Variants in RFTN1 observed in about 807,000 individuals in gnomAD.
The protein encoded by RFTN1 is raftlin, lipid raft linker 1.
Under a neutral mutation model 46.5 loss-of-function variants are expected in RFTN1, and 26 were observed. The observed-to-expected ratio is 0.56, with a 90% CI of 0.41 to 0.78. RFTN1 has a LOEUF of 0.78. Ranked by LOEUF, RFTN1 falls within the 30% of genes least tolerant of loss-of-function variation. The pLI is 0.00. For missense variants in RFTN1, 693 were observed against 718.7 expected (o/e 0.96, Z 0.41); for synonymous variants, 261 against 284.2 (o/e 0.92, Z 0.82).
At position 16,499,182 on chromosome 3, in the gene RFTN1, T is replaced by C. The variant is rs2076669633; in HGVS notation, c.-8-5305A>G. Among the ~76,000 whole-genome samples the C allele has an allele frequency of 1.3e-5, 2 of 152,054 alleles. No homozygotes were observed. Among genetic ancestry groups the C allele is most frequent in the Admixed American group, 6.5e-5 (1 of 15,274 alleles). ...AGTCTCTAGTAAGGTGGAAGGTAAA[T>C]GGTAAGTAGGATGGTTTTTAAATGT... is the stretch of plus-strand genomic sequence containing the variant. On this transcript the variant is annotated intron_variant, in intron 1 of 9. Transcript: ENST00000334133. This position sits in a 1 kb window ranked among gnomAD's most constrained non-coding sequence, Gnocchi z 4.9.
chr3:16,436,357 AATT>A (rs748863295), intron 2 of RFTN1, among the ~76,000 whole-genome samples: 3 of 130,986 alleles, frequency 2.3e-5, no homozygotes, highest in African/African-American at 5.6e-5. Context: ...TGAAAAAAAA[AATT>A]TTTTTTTTTT....
chr3:16,430,105 T>G (rs13068332), intron 3 of RFTN1, among the ~76,000 whole-genome samples: 114,722 of 149,730 alleles, frequency 0.77, 44,466 homozygotes, highest in African/African-American at 0.94. Flanking sequence ...AAAAAGTCCG[T>G]TTTTTTTTTG....
In RFTN1 at chr3:16,341,135, G is replaced by A. The variant is rs747333809; in HGVS notation, c.1147-14259C>T. The stretch of plus-strand genomic sequence containing the variant: ...AGAATGACCACATTAGAATGGCCAA[G>A]ATCCAAAACACTGACAATACTTAAT... On this transcript the variant is annotated intron_variant, in intron 7 of 9. Coordinates refer to ENST00000334133, the MANE Select transcript of RFTN1 (RefSeq NM_015150.2). The surrounding 1 kb of genome is among the most constrained non-coding windows in gnomAD (Gnocchi z 4.7). Among the ~76,000 whole-genome samples, 2 of 152,194 alleles carry A rather than the reference G, an allele frequency of 1.3e-5. No individual in the cohort carries two copies. Among genetic ancestry groups the A allele is most frequent in the Non-Finnish European group, 2.9e-5 (2 of 68,030 alleles).
Position 16,370,795 on chromosome 3 carries a change from CAAGTACATCAA to C in RFTN1, c.827-527_827-517del, listed in dbSNP as rs1046752152. The C allele has an allele frequency of 6.5e-6, 1 of 153,252 alleles. No individual in the cohort carries two copies. Among genetic ancestry groups the C allele is most frequent in the African/African-American group, 2.4e-5 (1 of 41,420 alleles). The allele number at this position is 153,252 out of a possible 1,614,324, so 9.5% of individuals were successfully genotyped here. On this transcript the variant is annotated intron_variant, in intron 5 of 9. Transcript: ENST00000334133. This position sits in a 1 kb window ranked among gnomAD's most constrained non-coding sequence, Gnocchi z 5.5. ...TGGGGCTGAACCCATAATACTTAAT[CAAGTACATCAA>C]AAATACATCATTGATATGTAAAAAT...
intron 2 of RFTN1, among the ~76,000 whole-genome samples, chr3:16,476,688 G>T (rs2076285984): frequency 2.0e-5 from 3 of 152,110 alleles, no homozygotes; most frequent in Admixed American, 1.3e-4. Flanking sequence ...AAACACCCTG[G>T]GTCATGTGCT....
chr3:16,409,470 C>A lies in RFTN1; in HGVS notation c.346G>T (p.Asp116Tyr). Reference protein sequence around the residue: ...IKKTDRSQKTDLHNEGYILEL... With the variant: ...IKKTDRSQKTYLHNEGYILEL... ...AAGATGTAGCCTTCATTGTGAAGATCAGTTTTCTGAGATCTGAAGAGAAAG... is the reference window on the plus strand; with the variant it reads ...AAGATGTAGCCTTCATTGTGAAGATAAGTTTTCTGAGATCTGAAGAGAAAG... Residue 116 changes from aspartate (D) to tyrosine (Y), a missense_variant, in exon 4 of 10, where the codon GAT becomes TAT. Transcript: ENST00000334133. The A allele has an allele frequency of 1.2e-6, 2 of 1,610,730 alleles. No homozygotes were observed. Among genetic ancestry groups the A allele is most frequent in the South Asian group, 2.2e-5 (2 of 91,018 alleles).
intron 2 of RFTN1, among the ~76,000 whole-genome samples, chr3:16,438,585 C>CAAA (rs61019061): frequency 0.03 from 920 of 30,652 alleles, 18 homozygotes; most frequent in Non-Finnish European, 0.036. Flanking sequence ...AACTCTGTCT[C>CAAA]AAAAAAAAAA....
chr3:16,352,017 A>C lies in RFTN1; in HGVS notation c.1146+5915T>G, dbSNP rs1339359969. On this transcript the variant is annotated intron_variant, in intron 7 of 9. Transcript: ENST00000334133. The surrounding 1 kb of genome is among the most constrained non-coding windows in gnomAD (Gnocchi z 4.6). ...AGATGAGGCAGAACTCTACTTCAGC[A>C]GACACTCAACTCAAAAAGACTGGCA... is the stretch of plus-strand genomic sequence containing the variant. Among the ~76,000 whole-genome samples the C allele has an allele frequency of 6.6e-6, 1 of 152,266 alleles. No individual in the cohort carries two copies. Among genetic ancestry groups the C allele is most frequent in the East Asian group, 1.9e-4 (1 of 5,206 alleles).
Position 16,427,284 on chromosome 3 carries a change from C to T in RFTN1, c.332+6567G>A, listed in dbSNP as rs2075305677. Among the ~76,000 whole-genome samples, 1 of 152,310 alleles carries T rather than the reference C, an allele frequency of 6.6e-6. No individual in the cohort carries two copies. The highest frequency in any genetic ancestry group is 2.4e-5 in the African/African-American group (1 of 41,552). On this transcript the variant is annotated intron_variant, in intron 3 of 9. Transcript: ENST00000334133. This position sits in a 1 kb window ranked among gnomAD's most constrained non-coding sequence, Gnocchi z 5.4. ...CATTGACTCACTACTTCCCAAGAGT[C>T]CCCATTCAATGAGCCAGGCCACTGT...
At chr3:16,366,421 C>T (rs1193596333) in intron 6 of RFTN1, among the ~76,000 whole-genome samples, 3 of 152,206 alleles carry the variant, frequency 2.0e-5, no homozygotes, top group Non-Finnish European at 4.4e-5. Flanking sequence ...TTCCTGAGTG[C>T]CTGGCTGCTC....
At position 16,410,851 on chromosome 3, in the gene RFTN1, C is replaced by A. The variant is rs2074969370; in HGVS notation, c.333-1368G>T. 6.6e-6 allele frequency among the ~76,000 whole-genome samples: 1 copy of A among 152,234 alleles called. No homozygotes were observed. The highest frequency in any genetic ancestry group is 6.5e-5 in the Admixed American group (1 of 15,284). Reference sequence around the variant, plus strand: ...TCACCAGGAGGAAATTCCACCACTTCACAGCCATTCACAGGCAGGGCTCCT... The same window carrying A: ...TCACCAGGAGGAAATTCCACCACTTAACAGCCATTCACAGGCAGGGCTCCT... On this transcript the variant is annotated intron_variant, in intron 3 of 9. Transcript: ENST00000334133. This position sits in a 1 kb window ranked among gnomAD's most constrained non-coding sequence, Gnocchi z 4.6.
chr3:16,324,646 T>TTTTGTG (rs1491457510), intron 8 of RFTN1, among the ~76,000 whole-genome samples: 1 of 100,434 alleles, frequency 1.0e-5, no homozygotes, highest in African/African-American at 4.2e-5. Context: ...TAGTATTCCA[T>TTTTGTG]TGTGTGTGTG....
intron 1 of RFTN1, among the ~76,000 whole-genome samples, chr3:16,508,954 C>T (rs1314285051): frequency 1.3e-5 from 2 of 152,170 alleles, no homozygotes; most frequent in Non-Finnish European, 2.9e-5. Context: ...ACTTGAAATG[C>T]GGTGAGTGAG....
Position 16,358,037 on chromosome 3 carries a change from A to T in RFTN1, c.1041T>A (p.His347Gln). 2 of 962,686 alleles carry T rather than the reference A, an allele frequency of 2.1e-6. No individual in the cohort carries two copies. Among genetic ancestry groups the T allele is most frequent in the South Asian group, 2.6e-5 (2 of 77,386 alleles). 59.6% of individuals were successfully genotyped at this position (962,686 alleles called of 1,614,324 possible). The change falls in exon 7 of 10, where the codon CAT (histidine) becomes CAA (glutamine). Residue 347 changes from histidine (H) to glutamine (Q), a missense_variant. Physicochemically the swap from His to Gln is conservative, Grantham distance 24. Coordinates refer to ENST00000334133, the MANE Select transcript of RFTN1 (RefSeq NM_015150.2). Reference protein sequence around the residue: ...FYLGIVNDSLHGLTDGVFIFE... With the variant: ...FYLGIVNDSLQGLTDGVFIFE... ...AGATGAATACTCCATCTGTCAAGCC[A>T]TGTAAGGAATCTGTGGAAAAAGAAA...
In RFTN1 at chr3:16,413,409, A is replaced by G. The variant is rs574499711; in HGVS notation, c.333-3926T>C. The stretch of plus-strand genomic sequence containing the variant: ...TCAATCTAGTTTCTATGGAAGAAGC[A>G]TTAACCTGAAACTCCCAGCTGAGCA... On this transcript the variant is annotated intron_variant, in intron 3 of 9. Transcript: ENST00000334133. This position sits in a 1 kb window ranked among gnomAD's most constrained non-coding sequence, Gnocchi z 4.7. Among the ~76,000 whole-genome samples the G allele has an allele frequency of 1.3e-4, 20 of 152,368 alleles. No homozygotes were observed. Among genetic ancestry groups the G allele is most frequent in the African/African-American group, 4.6e-4 (19 of 41,588 alleles).
In RFTN1 at chr3:16,506,992, A is replaced by G. The variant is rs1380255399; in HGVS notation, c.-9+6450T>C. 1.3e-5 allele frequency among the ~76,000 whole-genome samples: 2 copies of G among 152,208 alleles called. No homozygotes were observed. The highest frequency in any genetic ancestry group is 2.1e-4 in the South Asian group (1 of 4,820). ...AGTACAGCACAGGGGTTGGTCATAC[A>G]GGCTCTGGAACCAGACTGACTAGGT... On this transcript the variant is annotated intron_variant, in intron 1 of 9. Transcript: ENST00000334133. This position sits in a 1 kb window ranked among gnomAD's most constrained non-coding sequence, Gnocchi z 4.8.
intron 4 of RFTN1, among the ~76,000 whole-genome samples, chr3:16,395,338 A>G (rs1004576742): frequency 5.3e-5 from 8 of 152,230 alleles, no homozygotes; most frequent in African/African-American, 1.9e-4. Context: ...AAAACTGAAA[A>G]TTGTTTAAAT....
At chr3:16,437,697 T>C (rs2075543650) in intron 2 of RFTN1, among the ~76,000 whole-genome samples, 1 of 151,990 alleles carries the variant, frequency 6.6e-6, no homozygotes, top group African/African-American at 2.4e-5. Flanking sequence ...ATCGGTGTTT[T>C]TTCCTTTCAC....
intron 6 of RFTN1, among the ~76,000 whole-genome samples, chr3:16,365,914 G>C (rs1382820556): frequency 6.6e-6 from 1 of 152,202 alleles, no homozygotes. Context: ...GAGAAGTGAG[G>C]ATACAGTCAC....
Sources: gnomAD v4.1 joint callset for allele counts (sites outside exome capture counted in the v4.1 genomes callset) on GRCh38, gnomAD v4.1.1 for gene constraint, Gnocchi (gnomAD v3.1) non-coding constraint, MANE v1.5 for transcripts, NCBI Gene and HGNC (gene_info 2026-07-23, HGNC 2026-07-21) for gene names.